GPM6A: variants seen among roughly 807,000 people sequenced by gnomAD.
GPM6A encodes neuronal membrane glycoprotein M6-a.
GPM6A carries 7 observed loss-of-function variants against 32.1 expected under a neutral mutation model. The observed-to-expected ratio is 0.22, with a 90% CI of 0.12 to 0.41. GPM6A has a LOEUF of 0.41. Among genes scored for constraint, GPM6A ranks in the 10% least tolerant of loss-of-function variants. GPM6A has a pLI of 1.00. For synonymous variants in GPM6A, 130 were observed against 123.4 expected (o/e 1.05, Z -0.35); for missense variants, 235 against 347.2 (o/e 0.68, Z 2.57).
At chr4:175,993,855 A>G (rs1741224651) in intron 1 of GPM6A, among the ~76,000 whole-genome samples, 2 of 152,248 alleles carry the variant, frequency 1.3e-5, no homozygotes, top group Non-Finnish European at 2.9e-5. Flanking sequence ...AAAGAAAGGT[A>G]GACTTTCATC....
intron 1 of GPM6A, among the ~76,000 whole-genome samples, chr4:175,892,271 C>T (rs942743039): frequency 6.6e-6 from 1 of 152,150 alleles, no homozygotes; most frequent in African/African-American, 2.4e-5. Context: ...TTCATTCGAA[C>T]TTACTTCATT....
At chr4:175,742,438 C>T (rs1404468344) in intron 1 of GPM6A, among the ~76,000 whole-genome samples, 1 of 152,146 alleles carries the variant, frequency 6.6e-6, no homozygotes, top group Non-Finnish European at 1.5e-5. Flanking sequence ...TTATCAGTGA[C>T]TTTTCAAAAT....
At chr4:175,639,885 T>C (rs1218084100) in intron 6 of GPM6A, among the ~76,000 whole-genome samples, 2 of 152,144 alleles carry the variant, frequency 1.3e-5, no homozygotes, top group Non-Finnish European at 2.9e-5. Flanking sequence ...TATAGTAATC[T>C]AATATCTAAA....
At chr4:175,995,854 C>T (rs911530402) in intron 1 of GPM6A, among the ~76,000 whole-genome samples, 2 of 152,116 alleles carry the variant, frequency 1.3e-5, no homozygotes, top group African/African-American at 4.8e-5. Flanking sequence ...TTTTATCATA[C>T]TGCTTTCTAG....
At chr4:175,835,170 C>T (rs992444715) in intron 1 of GPM6A, among the ~76,000 whole-genome samples, 3 of 152,090 alleles carry the variant, frequency 2.0e-5, no homozygotes, top group East Asian at 1.9e-4. Context: ...TGTACTGTAC[C>T]GTGCTTCTCC....
chr4:175,861,435 T>TA (rs903512266), intron 1 of GPM6A, among the ~76,000 whole-genome samples: 229 of 142,888 alleles, frequency 1.6e-3, no homozygotes, highest in Middle Eastern at 3.5e-3. Flanking sequence ...TAATTCAAAC[T>TA]AAAAAAAAAA....
chr4:175,970,810 T>G, intron 1 of GPM6A: 1 of 445,836 alleles, frequency 2.2e-6, no homozygotes, highest in Non-Finnish European at 4.5e-6. Flanking sequence ...TGTCACCGCT[T>G]CTACTAAATT....
chr4:175,919,807 T>A (rs1262774719), intron 1 of GPM6A, among the ~76,000 whole-genome samples: 1 of 152,176 alleles, frequency 6.6e-6, no homozygotes, highest in Admixed American at 6.5e-5. Context: ...CAAGTAGGGA[T>A]CCAATTCAGT....
chr4:175,753,249 A>G (rs1243980707), intron 1 of GPM6A, among the ~76,000 whole-genome samples: 1 of 152,170 alleles, frequency 6.6e-6, no homozygotes, highest in East Asian at 1.9e-4. Flanking sequence ...TAAAAATAAT[A>G]CTTAGTGATG....
intron 4 of GPM6A, among the ~76,000 whole-genome samples, chr4:175,647,996 A>G (rs1403747957): frequency 6.6e-6 from 1 of 152,188 alleles, no homozygotes; most frequent in Non-Finnish European, 1.5e-5. Context: ...AAGAAAAGGT[A>G]CCTTTGGATA....
At chr4:175,787,562 G>C (rs1733850873) in intron 1 of GPM6A, 1 of 1,381,672 alleles carries the variant, frequency 7.2e-7, no homozygotes, top group Admixed American at 3.2e-5. Flanking sequence ...TTACATACTT[G>C]TTGATGATTT....
At chr4:175,860,076 A>G (rs971167796) in intron 1 of GPM6A, among the ~76,000 whole-genome samples, 1 of 151,996 alleles carries the variant, frequency 6.6e-6, no homozygotes, top group Non-Finnish European at 1.5e-5. Context: ...CTAACTTTAA[A>G]TTCATATATT....
At chr4:175,719,049 T>G (rs1331276447) in intron 1 of GPM6A, among the ~76,000 whole-genome samples, 1 of 152,178 alleles carries the variant, frequency 6.6e-6, no homozygotes, top group African/African-American at 2.4e-5. Flanking sequence ...TACAACCATC[T>G]TACTAAAAAC....
At chr4:175,746,349 A>G (rs1364238983) in intron 1 of GPM6A, among the ~76,000 whole-genome samples, 1 of 152,232 alleles carries the variant, frequency 6.6e-6, no homozygotes, top group African/African-American at 2.4e-5. Context: ...AAGTATTAAC[A>G]GTTATGATGT....
At chr4:175,895,846 T>C (rs893333217) in intron 1 of GPM6A, among the ~76,000 whole-genome samples, 3 of 152,192 alleles carry the variant, frequency 2.0e-5, no homozygotes, top group Admixed American at 1.3e-4. Flanking sequence ...TCCTAACAGC[T>C]TTTTTAGTAA....
At chr4:175,935,057 T>C (rs6818601) in intron 1 of GPM6A, among the ~76,000 whole-genome samples, 1,939 of 152,358 alleles carry the variant, frequency 0.013, 49 homozygotes, top group African/African-American at 0.044. Flanking sequence ...TTTAATTCCC[T>C]ATGCATATCT....
At chr4:175,787,505 T>C (rs1733848478) in intron 1 of GPM6A, 1 of 1,467,090 alleles carries the variant, frequency 6.8e-7, no homozygotes, top group Non-Finnish European at 9.0e-7. Flanking sequence ...TTGGTCCTTT[T>C]TGTTCCACCT....
intron 1 of GPM6A, among the ~76,000 whole-genome samples, chr4:175,858,254 G>A (rs2111414635): frequency 6.6e-6 from 1 of 152,282 alleles, no homozygotes; most frequent in East Asian, 1.9e-4. Flanking sequence ...AAAAAGGGTT[G>A]GACGCTGCGG....
At chr4:175,732,901 T>C (rs1731494106) in intron 1 of GPM6A, among the ~76,000 whole-genome samples, 1 of 152,220 alleles carries the variant, frequency 6.6e-6, no homozygotes, top group African/African-American at 2.4e-5. Flanking sequence ...TGTTATTAAC[T>C]GTATTTCATA....
Sources: allele counts gnomAD v4.1 joint callset (sites outside exome capture counted in the v4.1 genomes callset), GRCh38; gene constraint gnomAD v4.1.1; transcripts MANE v1.5; gene names NCBI Gene and HGNC (gene_info 2026-07-23, HGNC 2026-07-21).